Variants in FCHSD2 observed in about 807,000 individuals in gnomAD.
FCHSD2 encodes F-BAR and double SH3 domains protein 2.
A neutral mutation model predicts 108.1 loss-of-function variants in FCHSD2; 38 were observed. The ratio of observed to expected loss-of-function variants is 0.35; its 90% confidence interval spans 0.27 to 0.46. FCHSD2 has a LOEUF of 0.46. Among genes scored for constraint, FCHSD2 ranks in the 20% least tolerant of loss-of-function variants. FCHSD2 has a pLI of 1.00. For synonymous variants in FCHSD2, 279 were observed against 314.7 expected (o/e 0.89, Z 1.20); for missense variants, 751 against 897.8 (o/e 0.84, Z 2.09).
chr11:73,048,663 G>T (rs1858822506), intron 3 of FCHSD2, among the ~76,000 whole-genome samples: 1 of 152,108 alleles, frequency 6.6e-6, no homozygotes, highest in African/African-American at 2.4e-5. Context: ...GAAATAACTT[G>T]CCATGCCTCT....
In FCHSD2 at chr11:72,841,084, C is replaced by T. The variant is rs1040771840; in HGVS notation, c.2057-125G>A. 15 of 718,792 alleles carry T rather than the reference C, an allele frequency of 2.1e-5. No homozygotes were observed. In the African/African-American group the frequency reaches 2.4e-4, roughly 12 times the overall value. 44.5% of individuals were successfully genotyped at this position (718,792 alleles called of 1,614,324 possible). ...TTGGGATACTGAGGCGGGAGGATTA[C>T]TTGAGGCCAGAAGTTCAAGGCTGCA... On this transcript the variant is annotated intron_variant, in intron 18 of 19. Coordinates refer to ENST00000409418, the MANE Select transcript of FCHSD2 (RefSeq NM_014824.3).
chr11:72,877,707 TCTA>T (rs1225611200), intron 12 of FCHSD2, among the ~76,000 whole-genome samples: 1 of 152,212 alleles, frequency 6.6e-6, no homozygotes, highest in Non-Finnish European at 1.5e-5. Context: ...CAGTTATTAT[TCTA>T]TAATATACAA....
intron 3 of FCHSD2, among the ~76,000 whole-genome samples, chr11:73,022,390 T>C (rs747161380): frequency 6.6e-6 from 1 of 152,214 alleles, no homozygotes; most frequent in Non-Finnish European, 1.5e-5. Context: ...AAAAACCTCA[T>C]GGAACTAATA....
At chr11:72,949,021 TA>T (rs1380430376) in intron 8 of FCHSD2, among the ~76,000 whole-genome samples, 1 of 152,228 alleles carries the variant, frequency 6.6e-6, no homozygotes, top group Non-Finnish European at 1.5e-5. Flanking sequence ...TCACTAGTCT[TA>T]TTTTTTATTG....
intron 12 of FCHSD2, among the ~76,000 whole-genome samples, chr11:72,879,106 G>C (rs1170085305): frequency 6.6e-6 from 1 of 151,804 alleles, no homozygotes; most frequent in Non-Finnish European, 1.5e-5. Context: ...GTGAGACTTT[G>C]TCTCAAAAAC....
chr11:73,085,383 T>A (rs1380575), intron 2 of FCHSD2, among the ~76,000 whole-genome samples: 1 of 152,156 alleles, frequency 6.6e-6, no homozygotes, highest in Non-Finnish European at 1.5e-5. Context: ...ATTTTGGAAC[T>A]AGGAGTCAAC....
intron 8 of FCHSD2, among the ~76,000 whole-genome samples, chr11:72,923,800 GTAGTGGCGTCTGC>G (rs1856020717): frequency 6.6e-6 from 1 of 152,108 alleles, no homozygotes; most frequent in African/African-American, 2.4e-5. Flanking sequence ...ATTAGCTGAT[GTAGTGGCGTCTGC>G]CTGTAATCCC....
intron 3 of FCHSD2, among the ~76,000 whole-genome samples, chr11:73,061,975 C>T (rs1222402411): frequency 6.6e-6 from 1 of 152,170 alleles, no homozygotes; most frequent in Non-Finnish European, 1.5e-5. Context: ...GTCAGACTGC[C>T]TCCTCAAGTG....
intron 8 of FCHSD2, among the ~76,000 whole-genome samples, chr11:72,945,729 G>C (rs1266328734): frequency 9.2e-5 from 14 of 152,072 alleles, no homozygotes; most frequent in Non-Finnish European, 2.1e-4. Context: ...TCAAAAAGTG[G>C]GCAAAGGATA....
At chr11:72,878,830 T>C (rs1343270639) in intron 12 of FCHSD2, among the ~76,000 whole-genome samples, 4 of 152,038 alleles carry the variant, frequency 2.6e-5, no homozygotes, top group Non-Finnish European at 5.9e-5. Context: ...ACATTAAAAC[T>C]CTGTGGTGGC....
chr11:73,083,682 A>G lies in FCHSD2; in HGVS notation c.165+13T>C. On this transcript the variant is annotated intron_variant, in intron 3 of 19. Transcript: ENST00000409418. ...AAGTATACCTAGAATGGGACCTCCAATTTCAAGCTTACCTGTGCATACTCT... is the reference window on the plus strand; with the variant it reads ...AAGTATACCTAGAATGGGACCTCCAGTTTCAAGCTTACCTGTGCATACTCT... 6.5e-7 allele frequency: 1 copy of G among 1,533,828 alleles called. No individual in the cohort carries two copies. Among genetic ancestry groups the G allele is most frequent in the Non-Finnish European group, 8.8e-7 (1 of 1,130,616 alleles).
intron 8 of FCHSD2, among the ~76,000 whole-genome samples, chr11:72,953,080 T>A (rs1210434899): frequency 1.3e-5 from 2 of 151,998 alleles, no homozygotes; most frequent in African/African-American, 4.8e-5. Context: ...CAATAGAAAA[T>A]AAAATAAACA....
chr11:72,841,340 CAAAAAA>C lies in FCHSD2; in HGVS notation c.2056+108_2056+113del, dbSNP rs59748827. ...GCCCAGGTGACAGAGACTCTGTCTC[CAAAAAA>C]AAAAAAAAAAAAAAAAAAGCAAATG... On this transcript the variant is annotated intron_variant, in intron 18 of 19. Transcript: ENST00000409418. 2,312 of 371,536 alleles carry C rather than the reference CAAAAAA, an allele frequency of 6.2e-3. 1 individual carries two copies. The highest frequency in any genetic ancestry group is 7.0e-3 in the Non-Finnish European group (1,708 of 242,356). The allele number at this position is 371,536 out of a possible 1,614,324, so 23.0% of individuals were successfully genotyped here.
intron 2 of FCHSD2, among the ~76,000 whole-genome samples, chr11:73,094,422 C>G (rs1230283607): frequency 1.3e-5 from 2 of 151,888 alleles, no homozygotes; most frequent in Admixed American, 1.3e-4. Flanking sequence ...AGTTATATAC[C>G]AAGAAAAATG....
chr11:73,018,799 T>A (rs893314547), intron 3 of FCHSD2, among the ~76,000 whole-genome samples: 6 of 152,186 alleles, frequency 3.9e-5, no homozygotes, highest in Non-Finnish European at 8.8e-5. Context: ...AATTCCTTGG[T>A]AAAATTACAG....
chr11:72,929,754 C>G (rs1026201979), intron 8 of FCHSD2, among the ~76,000 whole-genome samples: 1 of 152,288 alleles, frequency 6.6e-6, no homozygotes, highest in East Asian at 1.9e-4. Context: ...AACCAAAGAG[C>G]TTGAAAACAA....
At chr11:73,024,613 A>G (rs1396653366) in intron 3 of FCHSD2, among the ~76,000 whole-genome samples, 1 of 152,140 alleles carries the variant, frequency 6.6e-6, no homozygotes, top group African/African-American at 2.4e-5. Flanking sequence ...TTTTGTTGCA[A>G]TTGCAACAAA....
At chr11:73,018,583 C>T (rs781685031) in intron 3 of FCHSD2, among the ~76,000 whole-genome samples, 8 of 150,952 alleles carry the variant, frequency 5.3e-5, no homozygotes, top group Non-Finnish European at 7.4e-5. Context: ...TAGTTGATAC[C>T]GATAAGATCC....
At chr11:73,052,993 C>T (rs1858937188) in intron 3 of FCHSD2, among the ~76,000 whole-genome samples, 1 of 151,970 alleles carries the variant, frequency 6.6e-6, no homozygotes, top group Non-Finnish European at 1.5e-5. Context: ...ATTACAGATG[C>T]CCGCCACCAC....
Sources: gnomAD v4.1 joint callset for allele counts (sites outside exome capture counted in the v4.1 genomes callset) on GRCh38, gnomAD v4.1.1 for gene constraint, MANE v1.5 for transcripts, NCBI Gene and HGNC (gene_info 2026-07-23, HGNC 2026-07-21) for gene names.